PPP4R3A: variants seen among roughly 807,000 people sequenced by gnomAD.
PPP4R3A encodes the protein protein phosphatase 4 regulatory subunit 3A, also known as serine/threonine-protein phosphatase 4 regulatory subunit 3A.
In PPP4R3A, 15 loss-of-function variants were observed where a neutral mutation model predicts 91.7. The ratio of observed to expected loss-of-function variants is 0.16; its 90% CI spans 0.11 to 0.25. The LOEUF is 0.25. PPP4R3A is among the 10% of genes least tolerant of loss of function. PPP4R3A has a pLI of 1.00. For missense variants in PPP4R3A, 623 were observed against 998.4 expected (o/e 0.62, Z 5.07); for synonymous variants, 377 against 348.7 (o/e 1.08, Z -0.91).
chr14:91,471,890 C>A (rs1888859481), intron 9 of PPP4R3A, among the ~76,000 whole-genome samples: 1 of 151,882 alleles, frequency 6.6e-6, no homozygotes, highest in African/African-American at 2.4e-5. Flanking sequence ...ATGGTGAAAA[C>A]CCTGCCTCTA....
intron 14 of PPP4R3A, 75 bp from the exon 15 acceptor site, chr14:91,458,944 A>T: frequency 6.8e-7 from 1 of 1,466,822 alleles, no homozygotes; most frequent in Non-Finnish European, 9.1e-7. Flanking sequence ...TGGCTGGAGA[A>T]AGAAAATAGA....
chr14:91,490,900 A>ATT lies in PPP4R3A; in HGVS notation c.143-100_143-99dup, dbSNP rs36126220. 4.2e-3 allele frequency: 1,171 copies of ATT among 277,926 alleles called. 2 individuals carry two copies. Among genetic ancestry groups the ATT allele is most frequent in the African/African-American group, 8.1e-3 (316 of 39,176 alleles). 17.2% of individuals were successfully genotyped at this position (277,926 alleles called of 1,614,324 possible). On this transcript the variant is annotated intron_variant, in intron 1 of 14. Coordinates refer to ENST00000554943, the MANE Select transcript of PPP4R3A (RefSeq NM_001366432.2). ...TATTTCCTTAAAAAAAATAATAATA[A>ATT]TTTTTTTTTTTTTTTTTTTAATGAG...
At chr14:91,473,554 A>G (rs1252168834) in intron 7 of PPP4R3A, among the ~76,000 whole-genome samples, 184 bp from the exon 8 acceptor site, 1 of 152,248 alleles carries the variant, frequency 6.6e-6, no homozygotes, top group Admixed American at 6.5e-5. Flanking sequence ...AGTGTGGTAC[A>G]GGGACATAGC....
chr14:91,464,524 GAGGC>G (rs1371900714), intron 11 of PPP4R3A, among the ~76,000 whole-genome samples: 1 of 152,108 alleles, frequency 6.6e-6, no homozygotes, highest in Non-Finnish European at 1.5e-5. Flanking sequence ...AATTACTTGT[GAGGC>G]TAAGGTGGGA....
At chr14:91,484,494 G>A (rs1243454840) in intron 3 of PPP4R3A, among the ~76,000 whole-genome samples, 1 of 152,210 alleles carries the variant, frequency 6.6e-6, no homozygotes, top group African/African-American at 2.4e-5. Flanking sequence ...TAGAACAGCA[G>A]AGGTGACCTA....
chr14:91,505,155 T>C (rs936001417), intron 1 of PPP4R3A, among the ~76,000 whole-genome samples: 5 of 151,792 alleles, frequency 3.3e-5, no homozygotes, highest in Non-Finnish European at 5.9e-5. Flanking sequence ...GAGAACTTAT[T>C]AAAAAAAAGA....
Position 91,509,486 on chromosome 14 carries a change from C to G in PPP4R3A, c.142+20G>C, listed in dbSNP as rs533348532. On this transcript the variant is annotated intron_variant, in intron 1 of 14. Transcript: ENST00000554943. ...GGCCGTGGGGGCTGCGAGGGTCCCG[C>G]CGCGCGGGGCTTCACTTACCGTCGC... 5.7e-6 allele frequency: 9 copies of G among 1,572,144 alleles called. No individual in the cohort carries two copies. Among genetic ancestry groups the G allele is most frequent in the Admixed American group, 3.6e-5 (2 of 56,158 alleles).
intron 1 of PPP4R3A, among the ~76,000 whole-genome samples, chr14:91,509,149 G>A (rs1891602244): frequency 6.6e-6 from 1 of 152,192 alleles, no homozygotes; most frequent in African/African-American, 2.4e-5. Context: ...TAAGGCAGCA[G>A]ATCGGATTAA....
chr14:91,491,121 G>C (rs1890212528), intron 1 of PPP4R3A, among the ~76,000 whole-genome samples: 1 of 151,680 alleles, frequency 6.6e-6, no homozygotes, highest in Admixed American at 6.6e-5. Context: ...TGGTCAGGCT[G>C]GTCTCAAACT....
rs532503579 is a variant in PPP4R3A, at chr14:91,501,705, G to A, written c.142+7801C>T. ...TCTCATGTAGGTGGGAGACTAAAGT[G>A]TGCTTTTTTTTTTTTTTGAGACGGA... On this transcript the variant is annotated intron_variant, in intron 1 of 14. Coordinates refer to ENST00000554943, the MANE Select transcript of PPP4R3A (RefSeq NM_001366432.2). 3.8e-4 allele frequency among the ~76,000 whole-genome samples: 47 copies of A among 124,422 alleles called. No individual in the cohort carries two copies. The South Asian group carries it at 0.012, about 31-fold the overall frequency. 81.6% of individuals were successfully genotyped at this position (124,422 alleles called of 152,430 possible). A position where few individuals can be genotyped will look rare whatever the true frequency, so the allele number is the denominator to read the frequency against.
intron 3 of PPP4R3A, among the ~76,000 whole-genome samples, chr14:91,483,881 C>T (rs958293342): frequency 1.3e-5 from 2 of 151,966 alleles, no homozygotes; most frequent in Admixed American, 1.3e-4. Context: ...AAAGATCAGA[C>T]AATATTAAAG....
chr14:91,472,713 CT>C (rs1232189733), intron 9 of PPP4R3A, among the ~76,000 whole-genome samples: 1 of 152,104 alleles, frequency 6.6e-6, no homozygotes, highest in African/African-American at 2.4e-5. Context: ...TCATGATCCG[CT>C]TGCCTTGGCC....
In PPP4R3A at chr14:91,476,984, T is replaced by C. The variant is rs1889251684; in HGVS notation, c.918A>G (p.Glu306=). Residue 306 remains glutamate (E), a splice_region_variant and synonymous_variant, in exon 5 of 15, where the codon GAA becomes GAG. Transcript: ENST00000554943. The stretch of plus-strand genomic sequence containing the variant: ...ACAAATCTGTCAGAAATTTTTCATC[T>C]TCCTGTGAAACAAAGGACAAATGCA... ...NKVEIVGMLQ[E]DEKFLTDLFA... 2 of 1,597,242 alleles carry C rather than the reference T, an allele frequency of 1.3e-6. No homozygotes were observed. Among genetic ancestry groups the C allele is most frequent in the East Asian group, 4.5e-5 (2 of 44,506 alleles).
At chr14:91,497,118 G>A (rs1009086892) in intron 1 of PPP4R3A, among the ~76,000 whole-genome samples, 8 of 152,112 alleles carry the variant, frequency 5.3e-5, no homozygotes, top group African/African-American at 1.4e-4. Context: ...GATGACAGGC[G>A]AGAAATGATG....
chr14:91,499,279 A>C (rs76211489), intron 1 of PPP4R3A, among the ~76,000 whole-genome samples: 1 of 152,146 alleles, frequency 6.6e-6, no homozygotes, highest in Non-Finnish European at 1.5e-5. Flanking sequence ...AAACAAAATA[A>C]AATATAAAAA....
chr14:91,480,695 CAT>C (rs1415233777), intron 4 of PPP4R3A, among the ~76,000 whole-genome samples: 2 of 152,082 alleles, frequency 1.3e-5, no homozygotes, highest in African/African-American at 4.8e-5. Context: ...ATGCAAAATT[CAT>C]AGAGTAATAA....
At chr14:91,463,221 A>G (rs1234829938) in intron 11 of PPP4R3A, among the ~76,000 whole-genome samples, 1 of 151,978 alleles carries the variant, frequency 6.6e-6, no homozygotes, top group African/African-American at 2.4e-5. Flanking sequence ...ATGCACCACC[A>G]CGCCTGGCTA....
At position 91,501,995 on chromosome 14, in the gene PPP4R3A, T is replaced by TA. The variant is rs554513209; in HGVS notation, c.142+7510dup. Reference sequence around the variant, plus strand: ...TCTCGGCCTCCCAAAGTGCTGGGACTACAGGCGTGAGCCACCGCACCCGGC... The same window carrying TA: ...TCTCGGCCTCCCAAAGTGCTGGGACTAACAGGCGTGAGCCACCGCACCCGGC... On this transcript the variant is annotated intron_variant, in intron 1 of 14. Coordinates refer to ENST00000554943, the MANE Select transcript of PPP4R3A (RefSeq NM_001366432.2). Among the ~76,000 whole-genome samples the TA allele has an allele frequency of 8.6e-5, 13 of 151,364 alleles. 1 individual carries two copies. The East Asian group carries it at 2.2e-3, about 25-fold the overall frequency.
intron 13 of PPP4R3A, 36 bp from the exon 14 acceptor site, chr14:91,461,643 T>C (rs1021246054): frequency 6.3e-7 from 1 of 1,582,878 alleles, no homozygotes; most frequent in Non-Finnish European, 8.6e-7. Context: ...TCGTCCCCCA[T>C]ACTTCTTTTT....
Sources: allele counts gnomAD v4.1 joint callset (sites outside exome capture counted in the v4.1 genomes callset), GRCh38; gene constraint gnomAD v4.1.1; transcripts MANE v1.5; gene names NCBI Gene and HGNC (gene_info 2026-07-23, HGNC 2026-07-21).